NPIPB2: variants seen among roughly 807,000 people sequenced by gnomAD.
NPIPB2 encodes nuclear pore complex-interacting protein family member B2.
A neutral mutation model predicts 30.8 loss-of-function variants in NPIPB2; 27 were observed. The observed-to-expected ratio is 0.88, with a 90% confidence interval of 0.65 to 1.21. The LOEUF (loss-of-function observed/expected upper bound fraction) is 1.21. Among genes scored for constraint, NPIPB2 ranks in the 50% most tolerant of loss-of-function variants. NPIPB2 has a pLI of 0.00. For missense variants in NPIPB2, 440 were observed against 446.2 expected, an observed-to-expected ratio of 0.99 and a Z score of 0.13; for synonymous variants, 147 against 162.0, an observed-to-expected ratio of 0.91 and a Z score of 0.70.
upstream of NPIPB2, among the ~76,000 whole-genome samples, chr16:11,946,015 G>T (rs1386381049): frequency 2.1e-5 from 3 of 142,276 alleles, no homozygotes; most frequent in African/African-American, 7.7e-5. Context: ...TCTTCCTGTG[G>T]CTTCTACAAA....
intron 2 of NPIPB2, 60 bp from the exon 3 acceptor site, chr16:11,933,984 G>T (rs950261066): frequency 2.9e-5 from 40 of 1,377,352 alleles, no homozygotes; most frequent in Non-Finnish European, 4.0e-5. Flanking sequence ...TATAATCCCA[G>T]TACTTTGGGA....
chr16:11,968,759 T>C (rs1435474779), intron 1 of NPIPB2: 1 of 152,014 alleles, frequency 6.6e-6, no homozygotes, highest in Non-Finnish European at 1.5e-5. Flanking sequence ...CTGATGCTCA[T>C]CACCTTGAAC....
At chr16:11,927,510 TGGGTTCGGGTGGTGATTCCATCTC>T in exon 8 of NPIPB2, 1 of 1,534,406 alleles carries the variant, frequency 6.5e-7, no homozygotes. Flanking sequence ...CTCCGCCTCT[TGGGTTCGGGTGGTGATTCCATCTC>T]AGCCGCTCTC....
At chr16:11,938,340 G>T (rs2054895139) in intron 1 of NPIPB2, among the ~76,000 whole-genome samples, 1 of 148,244 alleles carries the variant, frequency 6.7e-6, no homozygotes, top group African/African-American at 2.5e-5. Flanking sequence ...GTTTTTGTTT[G>T]TTGTTTTTGA....
chr16:11,937,724 C>T, intron 1 of NPIPB2, 56 bp from the exon 2 acceptor site: 1 of 1,584,518 alleles, frequency 6.3e-7, no homozygotes, highest in South Asian at 1.1e-5. Flanking sequence ...CAATATTTCA[C>T]TCAGAAAGAA....
intron 2 of NPIPB2, among the ~76,000 whole-genome samples, chr16:11,934,418 T>C (rs2054837179): frequency 1.3e-5 from 2 of 151,230 alleles, no homozygotes; most frequent in African/African-American, 4.9e-5. Context: ...CCAGGCATGG[T>C]GGTGCATGCC....
chr16:11,934,990 G>A (rs1281061032), intron 2 of NPIPB2, among the ~76,000 whole-genome samples: 1 of 141,758 alleles, frequency 7.1e-6, no homozygotes, highest in Non-Finnish European at 1.5e-5. Context: ...TGAAAAGGAA[G>A]TAATTACCTT....
At chr16:11,976,292 T>A (rs1213358513) in intron 1 of NPIPB2, among the ~76,000 whole-genome samples, 1 of 152,152 alleles carries the variant, frequency 6.6e-6, no homozygotes, top group Non-Finnish European at 1.5e-5. Context: ...CAATTGCCCC[T>A]CCTTATGGAA....
intron 1 of NPIPB2, among the ~76,000 whole-genome samples, chr16:11,947,511 AT>A (rs1247058759): frequency 6.6e-6 from 1 of 151,166 alleles, no homozygotes; most frequent in East Asian, 2.0e-4. Context: ...CGCCCCGCTA[AT>A]TTTTTGTACT....
At chr16:11,961,257 G>A (rs1216187544) in intron 1 of NPIPB2, among the ~76,000 whole-genome samples, 1 of 152,136 alleles carries the variant, frequency 6.6e-6, no homozygotes, top group Non-Finnish European at 1.5e-5. Context: ...GGCAGAGGCT[G>A]AGGGAGTGGA....
At chr16:11,964,509 G>A (rs1030291670) in intron 1 of NPIPB2, among the ~76,000 whole-genome samples, 1 of 152,004 alleles carries the variant, frequency 6.6e-6, no homozygotes, top group African/African-American at 2.4e-5. Context: ...CGCCTCCTGG[G>A]TTCAAGCACG....
At position 11,933,877 on chromosome 16, in the gene NPIPB2, T is replaced by C. The variant is rs772244450; in HGVS notation, c.240A>G (p.Val80=). Reference sequence around the variant, plus strand: ...TGGCTCTCTGCTGTACATCTGTGGATACATCATGTCCATTTTCAGACTGGA... The same window carrying C: ...TGGCTCTCTGCTGTACATCTGTGGACACATCATGTCCATTTTCAGACTGGA... The change falls in exon 3 of 8, where the codon GTA becomes GTG. Residue 80 remains valine (V), a synonymous_variant. Coordinates refer to ENST00000399147, the Ensembl canonical transcript of NPIPB2. 19 of 1,565,858 alleles carry C rather than the reference T, an allele frequency of 1.2e-5. No individual in the cohort carries two copies. The East Asian group carries it at 3.8e-4, about 31-fold the overall frequency.
At chr16:11,943,547 C>T (rs1442366752), upstream of NPIPB2, among the ~76,000 whole-genome samples, 2 of 151,222 alleles carry the variant, frequency 1.3e-5, no homozygotes, top group Non-Finnish European at 2.9e-5. Flanking sequence ...ACTAAAAATA[C>T]AAAAATTAGC....
intron 1 of NPIPB2, among the ~76,000 whole-genome samples, chr16:11,962,144 G>A (rs1304586859): frequency 2.1e-5 from 3 of 146,090 alleles, no homozygotes; most frequent in African/African-American, 7.6e-5. Context: ...GCTGCAGTGA[G>A]CCCTGATGGT....
At chr16:11,962,625 A>C (rs868303402) in intron 1 of NPIPB2, among the ~76,000 whole-genome samples, 73 of 149,912 alleles carry the variant, frequency 4.9e-4, no homozygotes, top group African/African-American at 1.6e-3. Flanking sequence ...AAAAAAAAAA[A>C]AAAACCAAAA....
At chr16:11,949,316 C>T (rs190278905) in intron 1 of NPIPB2, among the ~76,000 whole-genome samples, 2 of 152,288 alleles carry the variant, frequency 1.3e-5, no homozygotes, top group Admixed American at 1.3e-4. Context: ...TAGGTATCAT[C>T]ATCTCCATTT....
intron 1 of NPIPB2, among the ~76,000 whole-genome samples, chr16:11,938,382 G>T (rs1192084049): frequency 6.6e-6 from 1 of 151,570 alleles, no homozygotes; most frequent in East Asian, 2.0e-4. Context: ...CCAGGCTGGA[G>T]TGCAGTGGTG....
chr16:11,973,072 C>G (rs1443974778), intron 1 of NPIPB2, among the ~76,000 whole-genome samples: 1 of 148,430 alleles, frequency 6.7e-6, no homozygotes, highest in Non-Finnish European at 1.5e-5. Context: ...AGGCAGGAGA[C>G]TCGCTTGAAC....
chr16:11,962,772 A>G (rs867111971), intron 1 of NPIPB2, among the ~76,000 whole-genome samples: 13 of 152,060 alleles, frequency 8.5e-5, no homozygotes, highest in African/African-American at 2.9e-4. Flanking sequence ...AATTTTAAAA[A>G]CAAGAATTAT....
Sources: allele counts gnomAD v4.1 joint callset (sites outside exome capture counted in the v4.1 genomes callset), GRCh38; gene constraint gnomAD v4.1.1; transcripts MANE v1.5; gene names NCBI Gene and HGNC (gene_info 2026-07-23, HGNC 2026-07-21).